GRIA4: variants seen among roughly 807,000 people sequenced by gnomAD.
GRIA4 encodes glutamate receptor 4.
GRIA4 carries 34 observed loss-of-function variants against 104.0 expected under a neutral mutation model. The ratio of observed to expected loss-of-function variants is 0.33; its 90% CI spans 0.25 to 0.44. The LOEUF is 0.44. GRIA4 is among the 20% of genes least tolerant of loss of function. The pLI is 1.00. For missense variants in GRIA4, 750 were observed against 1,096.5 expected (o/e 0.68, Z 4.46); for synonymous variants, 386 against 381.9 (o/e 1.01, Z -0.13).
intron 3 of GRIA4, among the ~76,000 whole-genome samples, chr11:105,704,159 C>T (rs1290290723): frequency 6.6e-6 from 1 of 151,972 alleles, no homozygotes; most frequent in East Asian, 1.9e-4. Context: ...GGCCCATTCT[C>T]CCATGCTGCT....
chr11:105,933,178 G>A (rs1413300805), intron 13 of GRIA4, among the ~76,000 whole-genome samples: 1 of 151,860 alleles, frequency 6.6e-6, no homozygotes, highest in East Asian at 1.9e-4. Flanking sequence ...GGAGTTGTGG[G>A]TTACAGTGAG....
chr11:105,824,623 T>C (rs956206992), intron 4 of GRIA4: 7 of 152,120 alleles, frequency 4.6e-5, no homozygotes, highest in Admixed American at 4.6e-4. Flanking sequence ...CCTCACAGAA[T>C]GTACATAAAT....
intron 14 of GRIA4, chr11:105,966,044 G>A (rs753355881): frequency 1.1e-5 from 18 of 1,611,300 alleles, no homozygotes; most frequent in Admixed American, 5.0e-5. Flanking sequence ...ATGTGGCAGC[G>A]GGGGAGGTGA....
At chr11:105,795,785 CTTA>C (rs1292467278) in intron 4 of GRIA4, among the ~76,000 whole-genome samples, 7 of 152,020 alleles carry the variant, frequency 4.6e-5, no homozygotes, top group African/African-American at 1.4e-4. Context: ...AACATCGATG[CTTA>C]TTATGCATTT....
chr11:105,947,184 A>G (rs939686452), intron 14 of GRIA4, among the ~76,000 whole-genome samples: 5 of 152,186 alleles, frequency 3.3e-5, no homozygotes, highest in African/African-American at 1.2e-4. Flanking sequence ...TAAGCATTAA[A>G]CTTTTAGCTC....
intron 3 of GRIA4, among the ~76,000 whole-genome samples, chr11:105,698,494 T>C (rs1256159330): frequency 6.6e-6 from 1 of 152,170 alleles, no homozygotes; most frequent in African/African-American, 2.4e-5. Flanking sequence ...GGGCTATTCA[T>C]TGGCACTCGG....
intron 10 of GRIA4, among the ~76,000 whole-genome samples, chr11:105,916,187 TCAAAAA>T (rs1423368083): frequency 1.3e-5 from 2 of 152,022 alleles, no homozygotes; most frequent in African/African-American, 2.4e-5. Flanking sequence ...AGACTGTCTC[TCAAAAA>T]CAAAAACAAA....
intron 4 of GRIA4, among the ~76,000 whole-genome samples, chr11:105,855,335 C>A (rs779084032): frequency 2.0e-5 from 3 of 152,068 alleles, no homozygotes; most frequent in Non-Finnish European, 4.4e-5. Context: ...TAGACAAAGA[C>A]CTTGTTTGAG....
At chr11:105,658,215 T>C (rs897662339) in intron 3 of GRIA4, among the ~76,000 whole-genome samples, 4 of 151,842 alleles carry the variant, frequency 2.6e-5, no homozygotes, top group Non-Finnish European at 5.9e-5. Flanking sequence ...ATTAATAAAA[T>C]ACATATATTT....
At chr11:105,627,567 C>G (rs897267120) in intron 3 of GRIA4, among the ~76,000 whole-genome samples, 1 of 152,142 alleles carries the variant, frequency 6.6e-6, no homozygotes, top group Non-Finnish European at 1.5e-5. Flanking sequence ...GTTTCCTAGA[C>G]AAGGAATGTT....
chr11:105,803,844 C>CAA (rs537440632), intron 4 of GRIA4, among the ~76,000 whole-genome samples: 1,279 of 80,398 alleles, frequency 0.016, 24 homozygotes, highest in African/African-American at 0.04. Context: ...GGTGCTATAC[C>CAA]AAAAAAAAAA....
At chr11:105,815,508 C>G (rs1437151629) in intron 4 of GRIA4, among the ~76,000 whole-genome samples, 2 of 152,106 alleles carry the variant, frequency 1.3e-5, no homozygotes, top group Admixed American at 1.3e-4. Context: ...ACCCGAATGC[C>G]CTCATGTGTT....
At chr11:105,651,825 G>A (rs1951694512) in intron 3 of GRIA4, among the ~76,000 whole-genome samples, 1 of 152,006 alleles carries the variant, frequency 6.6e-6, no homozygotes, top group African/African-American at 2.4e-5. Flanking sequence ...AATGCCAAAA[G>A]AATGAATAAC....
At chr11:105,699,666 A>G (rs1953414574) in intron 3 of GRIA4, among the ~76,000 whole-genome samples, 2 of 152,086 alleles carry the variant, frequency 1.3e-5, no homozygotes, top group Non-Finnish European at 2.9e-5. Flanking sequence ...AGAAATTGAA[A>G]GGTTCTACAC....
intron 14 of GRIA4, among the ~76,000 whole-genome samples, chr11:105,960,695 C>G (rs908668774): frequency 1.3e-5 from 2 of 152,250 alleles, no homozygotes; most frequent in Non-Finnish European, 2.9e-5. Context: ...CAAGCAGATT[C>G]CAGCTGAGAG....
At chr11:105,896,396 T>C (rs1946654226) in intron 6 of GRIA4, among the ~76,000 whole-genome samples, 1 of 152,202 alleles carries the variant, frequency 6.6e-6, no homozygotes, top group Admixed American at 6.5e-5. Context: ...CTGTTGATTG[T>C]TTCTTTTGCT....
At chr11:105,936,917 AC>A (rs983726897) in intron 14 of GRIA4, among the ~76,000 whole-genome samples, 3 of 152,152 alleles carry the variant, frequency 2.0e-5, no homozygotes, top group African/African-American at 7.2e-5. Flanking sequence ...TAAATTTAAA[AC>A]CACTGATCTA....
chr11:105,671,194 A>G (rs1391494110), intron 3 of GRIA4, among the ~76,000 whole-genome samples: 1 of 152,138 alleles, frequency 6.6e-6, no homozygotes, highest in Non-Finnish European at 1.5e-5. Context: ...AAGGTAACAT[A>G]TTCACAGGTA....
At chr11:105,871,027 A>G (rs1436425380) in intron 5 of GRIA4, among the ~76,000 whole-genome samples, 2 of 152,074 alleles carry the variant, frequency 1.3e-5, no homozygotes, top group Admixed American at 6.6e-5. Context: ...TTTGACATCT[A>G]CTTAAATATT....
Sources: gnomAD v4.1 joint callset for allele counts (sites outside exome capture counted in the v4.1 genomes callset) on GRCh38, gnomAD v4.1.1 for gene constraint, MANE v1.5 for transcripts, NCBI Gene and HGNC (gene_info 2026-07-23, HGNC 2026-07-21) for gene names.